The following SIAE variants were observed in gnomAD, a reference collection of about 807,000 sequenced individuals.
SIAE encodes sialic acid acetylesterase, also known as sialate O-acetylesterase.
A neutral mutation model predicts 52.6 loss-of-function variants in SIAE; 39 were observed. The observed-to-expected ratio is 0.74, with a 90% confidence interval of 0.57 to 0.97. SIAE has a LOEUF of 0.97. Among genes scored for constraint, SIAE ranks in the 50% least tolerant of loss-of-function variants. The pLI is 0.00. For synonymous variants in SIAE, 233 were observed against 241.4 expected, an observed-to-expected ratio of 0.97 and a Z score of 0.32; for missense variants, 592 against 662.1, an observed-to-expected ratio of 0.89 and a Z score of 1.16.
intron 2 of SIAE, among the ~76,000 whole-genome samples, chr11:124,661,391 G>A (rs2134383461): frequency 6.6e-6 from 1 of 152,222 alleles, no homozygotes. Context: ...AGTAGTGGGA[G>A]GCATATAAAT....
chr11:124,662,373 T>C (rs1943198068), intron 2 of SIAE, among the ~76,000 whole-genome samples: 1 of 152,222 alleles, frequency 6.6e-6, no homozygotes, highest in Non-Finnish European at 1.5e-5. Context: ...CTTCCTGCAC[T>C]GACACATCTT....
intron 3 of SIAE, 76 bp downstream of exon 3, chr11:124,660,552 G>A (rs775617113): frequency 2.0e-6 from 3 of 1,487,160 alleles, no homozygotes; most frequent in Admixed American, 1.7e-5. Flanking sequence ...GCTTCTCCTT[G>A]TTGCCCCCTT....
chr11:124,670,011 C>G lies in SIAE; in HGVS notation c.68-490G>C, dbSNP rs1758728190. Among the ~76,000 whole-genome samples, 1 of 152,204 alleles carries G rather than the reference C, an allele frequency of 6.6e-6. No homozygotes were observed. The highest frequency in any genetic ancestry group is 2.4e-5 in the African/African-American group (1 of 41,446). The stretch of plus-strand genomic sequence containing the variant: ...AAACAGCCTTCCCTAATCTTTTTCC[C>G]CTTCTCTATCTCCCCTTTTCTATGC... On this transcript the variant is annotated intron_variant, in intron 1 of 9. Transcript: ENST00000263593. This position sits in a 1 kb window ranked among gnomAD's most constrained non-coding sequence, Gnocchi z 4.5.
In SIAE at chr11:124,660,809, A is replaced by G. The variant is rs374856775; in HGVS notation, c.230-6T>C. 56 of 1,614,034 alleles carry G rather than the reference A, an allele frequency of 3.5e-5. No homozygotes were observed. Among genetic ancestry groups the G allele is most frequent in the Non-Finnish European group, 4.7e-5 (55 of 1,179,972 alleles). On this transcript the variant is annotated splice_region_variant and splice_polypyrimidine_tract_variant and intron_variant, in intron 2 of 9. Transcript: ENST00000263593. ...CATCCACGTATCAGAGTGAGCTGAA[A>G]TAGTAACAGGACTCCAAGGAATTAA...
At chr11:124,642,544 T>G (rs538422804) in intron 7 of SIAE, among the ~76,000 whole-genome samples, 8 of 152,278 alleles carry the variant, frequency 5.3e-5, no homozygotes, top group Admixed American at 3.3e-4. Context: ...CAGAGTTGAA[T>G]GAAGACTAGA....
chr11:124,636,763 G>A lies in SIAE; in HGVS notation c.*188C>T, dbSNP rs998147961. ...CCTTAGACCAACTAGGGAACAAAAAGCAAGCATTTCAAGTTACCTATAAGC... is the reference window on the plus strand; with the variant it reads ...CCTTAGACCAACTAGGGAACAAAAAACAAGCATTTCAAGTTACCTATAAGC... On this transcript the variant is annotated 3_prime_UTR_variant, in exon 10 of 10. Coordinates refer to ENST00000263593, the MANE Select transcript of SIAE (RefSeq NM_170601.5). 8 of 784,756 alleles carry A rather than the reference G, an allele frequency of 1.0e-5. 1 individual carries two copies. The South Asian group carries it at 1.0e-4, about 10-fold the overall frequency. The allele number at this position is 784,756 out of a possible 1,614,324, so 48.6% of individuals were successfully genotyped here.
chr11:124,647,116 G>C (rs1002345209), intron 7 of SIAE, among the ~76,000 whole-genome samples: 2 of 152,082 alleles, frequency 1.3e-5, no homozygotes, highest in African/African-American at 4.8e-5. Flanking sequence ...AAACTGTAAT[G>C]CTTTTTAAAT....
intron 7 of SIAE, among the ~76,000 whole-genome samples, chr11:124,646,663 C>T (rs758046159): frequency 3.9e-5 from 6 of 152,156 alleles, no homozygotes; most frequent in Non-Finnish European, 8.8e-5. Context: ...TCAGAGAAAT[C>T]TGGGGACATG....
chr11:124,642,684 G>GCC, intron 7 of SIAE, among the ~76,000 whole-genome samples: 1 of 152,160 alleles, frequency 6.6e-6, no homozygotes, highest in Non-Finnish European at 1.5e-5. Context: ...TAACCAATAG[G>GCC]CTATGGCAAA....
chr11:124,649,069 G>A (rs1390553270), intron 5 of SIAE, among the ~76,000 whole-genome samples: 1 of 152,152 alleles, frequency 6.6e-6, no homozygotes, highest in Non-Finnish European at 1.5e-5. Flanking sequence ...TTCCTAAGCA[G>A]GTGTTCATAA....
intron 2 of SIAE, among the ~76,000 whole-genome samples, chr11:124,665,789 A>G (rs1402703491): frequency 6.6e-6 from 1 of 152,240 alleles, no homozygotes; most frequent in East Asian, 1.9e-4. Context: ...TCTGCACTCC[A>G]GCCTGGGTGA....
chr11:124,664,822 C>T (rs867998990), intron 2 of SIAE, among the ~76,000 whole-genome samples: 4 of 152,034 alleles, frequency 2.6e-5, no homozygotes, highest in Admixed American at 6.6e-5. Flanking sequence ...TATCCATGAC[C>T]GTTCCCTTCC....
chr11:124,654,744 A>G lies in SIAE; in HGVS notation c.455T>C (p.Val152Ala). Reference sequence around the variant, plus strand: ...AATGGGAGAGACAGAGAGGATGCGGACAGACTGATATGCCGCAGTGTTAGA... The same window carrying G: ...AATGGGAGAGACAGAGAGGATGCGGGCAGACTGATATGCCGCAGTGTTAGA... The part of the protein sequence containing the change: ...ELSNTAAYQS[V>A]RILSVSPIQA... Residue 152 changes from valine to alanine, a missense_variant, in exon 4 of 10, where the codon GTC becomes GCC. Val to Ala is a moderately conservative substitution (Grantham distance 64). Coordinates refer to ENST00000263593, the MANE Select transcript of SIAE (RefSeq NM_170601.5). 1 of 1,614,136 alleles carries G rather than the reference A, an allele frequency of 6.2e-7. No homozygotes were observed. Among genetic ancestry groups the G allele is most frequent in the Non-Finnish European group, 8.5e-7 (1 of 1,180,020 alleles).
chr11:124,641,013 G>T (rs1467340895), intron 7 of SIAE, among the ~76,000 whole-genome samples: 3 of 152,158 alleles, frequency 2.0e-5, no homozygotes, highest in Non-Finnish European at 4.4e-5. Context: ...TATAAGAAAG[G>T]CTATTTTAGG....
At chr11:124,651,560 A>C (rs978475666) in intron 4 of SIAE, among the ~76,000 whole-genome samples, 6 of 152,156 alleles carry the variant, frequency 3.9e-5, no homozygotes, top group African/African-American at 1.4e-4. Context: ...AAAAAAAAAA[A>C]AAAGAGTAAG....
upstream of SIAE, chr11:124,673,949 G>A (rs1446573949): frequency 1.2e-5 from 7 of 574,522 alleles, no homozygotes; most frequent in Non-Finnish European, 1.9e-5. Context: ...CGGAGAGAAA[G>A]GAGGTGAGGC....
chr11:124,641,481 AAAG>A (rs1942845047), intron 7 of SIAE, among the ~76,000 whole-genome samples: 2 of 152,378 alleles, frequency 1.3e-5, no homozygotes, highest in South Asian at 4.1e-4. Context: ...ATTAAACAAT[AAAG>A]AACCTCTGTA....
chr11:124,673,793 C>A, upstream of SIAE: 1 of 1,498,862 alleles, frequency 6.7e-7, no homozygotes, highest in Non-Finnish European at 9.1e-7. Flanking sequence ...AGGCCGACTC[C>A]ACCCTTTTGC....
intron 2 of SIAE, among the ~76,000 whole-genome samples, chr11:124,661,029 A>C (rs1291668245): frequency 6.6e-6 from 1 of 152,208 alleles, no homozygotes; most frequent in Non-Finnish European, 1.5e-5. Flanking sequence ...ATTTACAAAA[A>C]AAGTAAGTTA....
Sources: allele counts gnomAD v4.1 joint callset (sites outside exome capture counted in the v4.1 genomes callset), GRCh38; gene constraint gnomAD v4.1.1; non-coding constraint Gnocchi (gnomAD v3.1); transcripts MANE v1.5; gene names NCBI Gene and HGNC (gene_info 2026-07-23, HGNC 2026-07-21).